Variants in CADPS2 observed in about 807,000 individuals in gnomAD.
CADPS2 encodes calcium-dependent secretion activator 2.
CADPS2 carries 93 observed loss-of-function variants against 172.5 expected under a neutral mutation model. The ratio of observed to expected loss-of-function variants is 0.54; its 90% CI spans 0.46 to 0.64. CADPS2 has a LOEUF of 0.64. Among genes scored for constraint, CADPS2 ranks in the 30% least tolerant of loss-of-function variants. The pLI, the probability that CADPS2 is intolerant of heterozygous loss-of-function variation, is 0.00. For synonymous variants in CADPS2, 546 were observed against 555.2 expected, an observed-to-expected ratio of 0.98 and a Z score of 0.23; for missense variants, 1,420 against 1,565.9, an observed-to-expected ratio of 0.91 and a Z score of 1.57.
intron 19 of CADPS2, among the ~76,000 whole-genome samples, chr7:122,408,599 G>A (rs943707723): frequency 6.6e-6 from 1 of 152,022 alleles, no homozygotes; most frequent in South Asian, 2.1e-4. Flanking sequence ...TAATGTTTTT[G>A]TATTTTTAGG....
intron 1 of CADPS2, among the ~76,000 whole-genome samples, chr7:122,762,043 C>T (rs1156644071): frequency 1.4e-5 from 2 of 145,766 alleles, no homozygotes; most frequent in African/African-American, 5.0e-5. Flanking sequence ...CACACACACA[C>T]ACACACACAC....
intron 7 of CADPS2, among the ~76,000 whole-genome samples, chr7:122,580,193 G>A (rs1317222903): frequency 1.3e-5 from 2 of 152,042 alleles, no homozygotes; most frequent in East Asian, 3.9e-4. Context: ...GGTGGCTTAT[G>A]CTTGTAATCC....
chr7:122,424,367 T>C, intron 17 of CADPS2: 1 of 983,286 alleles, frequency 1.0e-6, no homozygotes, highest in Admixed American at 6.1e-5. Flanking sequence ...TGTAAGCCTA[T>C]GGCCAGCTGT....
chr7:122,836,712 C>G (rs546106305), intron 1 of CADPS2, among the ~76,000 whole-genome samples: 5 of 152,272 alleles, frequency 3.3e-5, no homozygotes, highest in African/African-American at 1.2e-4. Context: ...GGGATCAATT[C>G]AACAAGAAGA....
chr7:122,583,791 TATC>T (rs1304501012), intron 6 of CADPS2, among the ~76,000 whole-genome samples: 2 of 151,346 alleles, frequency 1.3e-5, no homozygotes, highest in Admixed American at 1.3e-4. Flanking sequence ...ATAACATACA[TATC>T]ATATACATCA....
chr7:122,696,125 A>G (rs1207860475), intron 2 of CADPS2, among the ~76,000 whole-genome samples: 2 of 152,170 alleles, frequency 1.3e-5, no homozygotes, highest in Non-Finnish European at 2.9e-5. Flanking sequence ...CTAGTGGCAG[A>G]AACATTAACA....
At chr7:122,824,555 T>A (rs894608512) in intron 1 of CADPS2, among the ~76,000 whole-genome samples, 1 of 152,224 alleles carries the variant, frequency 6.6e-6, no homozygotes, top group Non-Finnish European at 1.5e-5. Context: ...TAACTGTCTG[T>A]TCATATCCTT....
chr7:122,817,207 C>A (rs1190914550), intron 1 of CADPS2, among the ~76,000 whole-genome samples: 1 of 152,182 alleles, frequency 6.6e-6, no homozygotes, highest in African/African-American at 2.4e-5. Flanking sequence ...ATGGGGGGAC[C>A]TCCCTTGGGA....
intron 1 of CADPS2, among the ~76,000 whole-genome samples, chr7:122,776,263 G>C (rs529139983): frequency 6.6e-6 from 1 of 152,266 alleles, no homozygotes; most frequent in Admixed American, 6.5e-5. Flanking sequence ...ATAAAGGGCA[G>C]ATCCCCTACA....
intron 8 of CADPS2, among the ~76,000 whole-genome samples, chr7:122,535,228 G>A (rs1035744642): frequency 2.6e-5 from 4 of 152,018 alleles, no homozygotes; most frequent in Admixed American, 2.0e-4. Flanking sequence ...AATAAGCTCT[G>A]GAATCAGACA....
intron 1 of CADPS2, among the ~76,000 whole-genome samples, chr7:122,789,106 C>G (rs1212836245): frequency 6.6e-6 from 1 of 151,986 alleles, no homozygotes; most frequent in African/African-American, 2.4e-5. Context: ...TTTCTTGGTC[C>G]TCGGCTTGGG....
At chr7:122,803,447 A>T (rs1191924552) in intron 1 of CADPS2, among the ~76,000 whole-genome samples, 2 of 152,150 alleles carry the variant, frequency 1.3e-5, no homozygotes, top group Non-Finnish European at 2.9e-5. Flanking sequence ...CTCATTTTGG[A>T]GTCTGAAAGA....
intron 1 of CADPS2, among the ~76,000 whole-genome samples, chr7:122,840,520 A>G (rs1810138277): frequency 6.7e-6 from 1 of 150,062 alleles, no homozygotes; most frequent in Non-Finnish European, 1.5e-5. Context: ...ATTGTGAATT[A>G]TTTTTTAATT....
At chr7:122,680,107 T>C (rs1310698499) in intron 2 of CADPS2, among the ~76,000 whole-genome samples, 3 of 152,224 alleles carry the variant, frequency 2.0e-5, no homozygotes, top group African/African-American at 7.2e-5. Flanking sequence ...TTTATTGTTG[T>C]TGCAATGGTT....
chr7:122,539,745 C>T (rs10441359), intron 8 of CADPS2, among the ~76,000 whole-genome samples: 1 of 118,120 alleles, frequency 8.5e-6, no homozygotes. Context: ...CTGTCCCTCT[C>T]TCTCTGTCTC....
chr7:122,558,717 G>A (rs2065339565), intron 7 of CADPS2, among the ~76,000 whole-genome samples: 1 of 152,136 alleles, frequency 6.6e-6, no homozygotes, highest in Non-Finnish European at 1.5e-5. Context: ...AATGTTTAGA[G>A]TGATATGGGG....
At chr7:122,425,412 A>T (rs1026752439) in intron 17 of CADPS2, among the ~76,000 whole-genome samples, 1 of 138,104 alleles carries the variant, frequency 7.2e-6, no homozygotes. Context: ...ACGTGGCGAA[A>T]CCCTATCTCT....
At chr7:122,514,741 A>G (rs1467485834) in intron 8 of CADPS2, among the ~76,000 whole-genome samples, 2 of 152,172 alleles carry the variant, frequency 1.3e-5, no homozygotes, top group Non-Finnish European at 2.9e-5. Context: ...CAAATGTCCA[A>G]CAGCAGTAAA....
rs528204321 is a variant in CADPS2 at position 122,664,644 on chromosome 7, C to G, written c.454-1075G>C. Reference sequence around the variant, plus strand: ...AATATTCCTAAGAATCCTCCATAAGCCATATAAGACTGCTTTTATTCTTGC... The same window carrying G: ...AATATTCCTAAGAATCCTCCATAAGGCATATAAGACTGCTTTTATTCTTGC... On this transcript the variant is annotated intron_variant, in intron 2 of 29. Transcript: ENST00000449022. Among the ~76,000 whole-genome samples, 11 of 152,238 alleles carry G rather than the reference C, an allele frequency of 7.2e-5. No homozygotes were observed. The East Asian group carries it at 1.9e-3, about 27-fold the overall frequency.
Sources: allele counts gnomAD v4.1 joint callset (sites outside exome capture counted in the v4.1 genomes callset), GRCh38; gene constraint gnomAD v4.1.1; transcripts MANE v1.5; gene names NCBI Gene and HGNC (gene_info 2026-07-23, HGNC 2026-07-21).